The following CD200R1L variants were observed in gnomAD, a reference collection of about 807,000 sequenced individuals.
The protein encoded by CD200R1L is cell surface glycoprotein CD200 receptor 2.
A neutral mutation model predicts 24.8 loss-of-function variants in CD200R1L; 14 were observed. The observed-to-expected ratio is 0.56, with a 90% CI of 0.37 to 0.88. CD200R1L has a LOEUF of 0.88. CD200R1L is among the 40% of genes least tolerant of loss of function. The pLI is 0.00. For synonymous variants in CD200R1L, 111 were observed against 109.2 expected (o/e 1.02, Z -0.11); for missense variants, 299 against 297.8 (o/e 1.00, Z -0.03).
At chr3:112,821,846 A>G (rs1250241458) in intron 6 of CD200R1L, among the ~76,000 whole-genome samples, 1 of 152,234 alleles carries the variant, frequency 6.6e-6, no homozygotes, top group African/African-American at 2.4e-5. Context: ...AATCAACTCT[A>G]ACACAGAGGT....
chr3:112,822,211 A>G (rs1262843050), intron 6 of CD200R1L, among the ~76,000 whole-genome samples: 1 of 152,226 alleles, frequency 6.6e-6, no homozygotes, highest in Non-Finnish European at 1.5e-5. Flanking sequence ...TTCCTGGCAC[A>G]CTTCCAAGGA....
chr3:112,822,459 A>C (rs1938557609), intron 6 of CD200R1L, among the ~76,000 whole-genome samples: 1 of 152,160 alleles, frequency 6.6e-6, no homozygotes, highest in African/African-American at 2.4e-5. Flanking sequence ...CAATTTAATC[A>C]ATCATACCTA....
At chr3:112,816,139 C>T (rs1371205894) in intron 7 of CD200R1L, among the ~76,000 whole-genome samples, 164 bp from the exon 8 acceptor site, 1 of 152,190 alleles carries the variant, frequency 6.6e-6, no homozygotes, top group Admixed American at 6.5e-5. Flanking sequence ...TTACCTAAGA[C>T]ACCAGGAATG....
intron 7 of CD200R1L, among the ~76,000 whole-genome samples, chr3:112,816,995 A>G (rs1938411381): frequency 6.6e-6 from 1 of 152,142 alleles, no homozygotes. Flanking sequence ...GAGTCAATTA[A>G]ACCTTTTCCT....
chr3:112,827,901 G>A lies in CD200R1L; in HGVS notation c.50-217C>T, dbSNP rs529464564. Among the ~76,000 whole-genome samples, 13 of 152,126 alleles carry A rather than the reference G, an allele frequency of 8.5e-5. No individual in the cohort carries two copies. In the East Asian group the frequency reaches 2.5e-3, roughly 29 times the overall value. ...ATTAACAAACTTTCTCCAGTATTAT[G>A]TATTATTAGAAAAACAATATACATA... On this transcript the variant is annotated intron_variant, in intron 4 of 7. Coordinates refer to ENST00000488794, the MANE Select transcript of CD200R1L (RefSeq NM_001199215.3).
At chr3:112,841,527 A>G (rs544635515) in intron 2 of CD200R1L, among the ~76,000 whole-genome samples, 1 of 152,334 alleles carries the variant, frequency 6.6e-6, no homozygotes, top group South Asian at 2.1e-4. Flanking sequence ...GTGCAGCAAA[A>G]CACAGCCATA....
intron 6 of CD200R1L, among the ~76,000 whole-genome samples, chr3:112,824,591 A>G (rs1378427036): frequency 6.6e-6 from 1 of 152,246 alleles, no homozygotes; most frequent in Non-Finnish European, 1.5e-5. Flanking sequence ...TCCATTCATG[A>G]GATGAATAGA....
chr3:112,832,066 A>C (rs1938814774), intron 3 of CD200R1L, among the ~76,000 whole-genome samples: 1 of 152,316 alleles, frequency 6.6e-6, no homozygotes, highest in South Asian at 2.1e-4. Flanking sequence ...GCCATCTGAA[A>C]ACCACACTTT....
At chr3:112,828,628 T>C (rs569085889) in intron 4 of CD200R1L, among the ~76,000 whole-genome samples, 1 of 152,312 alleles carries the variant, frequency 6.6e-6, no homozygotes, top group East Asian at 1.9e-4. Flanking sequence ...TAGATTTTAT[T>C]TCTGTATATT....
intron 2 of CD200R1L, among the ~76,000 whole-genome samples, chr3:112,843,378 G>T (rs1939124425): frequency 6.6e-6 from 1 of 152,202 alleles, no homozygotes; most frequent in African/African-American, 2.4e-5. Flanking sequence ...TCAGCAGGAT[G>T]CTTATAAGCC....
intron 2 of CD200R1L, among the ~76,000 whole-genome samples, chr3:112,839,847 T>A (rs1939039364): frequency 1.3e-5 from 2 of 152,180 alleles, no homozygotes; most frequent in African/African-American, 4.8e-5. Context: ...ACTGTAATGA[T>A]TTTTCTTCAA....
Position 112,845,532 on chromosome 3 carries a change from A to G in CD200R1L, c.-87+147T>C. On this transcript the variant is annotated intron_variant, in intron 2 of 7. Coordinates refer to ENST00000488794, the MANE Select transcript of CD200R1L (RefSeq NM_001199215.3). ...CACCACTGGGATAAGGCAACTCAGA[A>G]GGAGTTTTGCTGGATAATGTACACA... The G allele has an allele frequency of 9.6e-6, 6 of 623,258 alleles. No homozygotes were observed. The South Asian group carries it at 1.4e-4, about 14-fold the overall frequency. 38.6% of individuals were successfully genotyped at this position (623,258 alleles called of 1,614,324 possible).
At chr3:112,824,910 G>T (rs1487413942) in intron 6 of CD200R1L, among the ~76,000 whole-genome samples, 1 of 152,176 alleles carries the variant, frequency 6.6e-6, no homozygotes, top group Non-Finnish European at 1.5e-5. Context: ...GAAGAAGAAA[G>T]TATAGGGAAA....
intron 7 of CD200R1L, among the ~76,000 whole-genome samples, chr3:112,816,912 C>A (rs998637081): frequency 6.6e-6 from 1 of 152,102 alleles, no homozygotes; most frequent in Non-Finnish European, 1.5e-5. Context: ...TGCCTGTCAC[C>A]ATGTAAGACG....
In CD200R1L at chr3:112,827,257, AG is replaced by A. The variant is rs759454830; in HGVS notation, c.368-17del. 6.3e-6 allele frequency: 10 copies of A among 1,597,164 alleles called. No individual in the cohort carries two copies. The African/African-American group carries it at 1.3e-4, about 22-fold the overall frequency. ...TCGGGTGTAACTGCAGAGAGGAAAG[AG>A]GGAAAAAAATGCTTCAGTTTTCACA... is the stretch of plus-strand genomic sequence containing the variant. On this transcript the variant is annotated splice_polypyrimidine_tract_variant and intron_variant, in intron 5 of 7. Coordinates refer to ENST00000488794, the MANE Select transcript of CD200R1L (RefSeq NM_001199215.3).
chr3:112,834,977 A>T (rs1158084155), intron 3 of CD200R1L, among the ~76,000 whole-genome samples: 2 of 152,146 alleles, frequency 1.3e-5, no homozygotes, highest in Admixed American at 6.5e-5. Context: ...TGGCTCAGGG[A>T]GCTCCTAGGT....
At chr3:112,820,565 G>A (rs1938510295) in intron 6 of CD200R1L, among the ~76,000 whole-genome samples, 1 of 152,088 alleles carries the variant, frequency 6.6e-6, no homozygotes, top group African/African-American at 2.4e-5. Flanking sequence ...AGAGTAGCTA[G>A]GATTACAGGC....
intron 4 of CD200R1L, 150 bp downstream of exon 4, chr3:112,829,169 C>T (rs1938737000): frequency 1.7e-6 from 1 of 586,994 alleles, no homozygotes; most frequent in Admixed American, 2.9e-5. Flanking sequence ...GAGACTGGGA[C>T]ATTCAGGGTC....
At chr3:112,830,803 A>C (rs1395323619) in intron 3 of CD200R1L, among the ~76,000 whole-genome samples, 1 of 152,104 alleles carries the variant, frequency 6.6e-6, no homozygotes, top group African/African-American at 2.4e-5. Flanking sequence ...GGATGTAAAA[A>C]AGTGGTTGGA....
Sources: gnomAD v4.1 joint callset for allele counts (sites outside exome capture counted in the v4.1 genomes callset) on GRCh38, gnomAD v4.1.1 for gene constraint, MANE v1.5 for transcripts, NCBI Gene and HGNC (gene_info 2026-07-23, HGNC 2026-07-21) for gene names.